Variants in LRMDA observed in about 807,000 individuals in gnomAD.
LRMDA encodes the protein leucine rich melanocyte differentiation associated, also known as leucine-rich melanocyte differentiation-associated protein.
Under a neutral mutation model 29.8 loss-of-function variants are expected in LRMDA, and 18 were observed. The observed-to-expected ratio is 0.60, with a 90% CI of 0.42 to 0.90. The LOEUF is 0.90. Among genes scored for constraint, LRMDA ranks in the 40% least tolerant of loss-of-function variants. The pLI is 0.00. For missense variants in LRMDA, 273 were observed against 273.9 expected (o/e 1.00, Z 0.02); for synonymous variants, 125 against 109.4 (o/e 1.14, Z -0.89).
chr10:75,821,350 T>G (rs553386489), intron 2 of LRMDA, among the ~76,000 whole-genome samples: 1 of 152,336 alleles, frequency 6.6e-6, no homozygotes, highest in South Asian at 2.1e-4. Flanking sequence ...GGATGCAAGA[T>G]TGGTTCAACA....
chr10:75,875,587 C>G (rs891890465), intron 2 of LRMDA, among the ~76,000 whole-genome samples: 9 of 152,182 alleles, frequency 5.9e-5, no homozygotes, highest in African/African-American at 2.2e-4. Flanking sequence ...CATGCGCCAC[C>G]ATGCCCAGCT....
chr10:76,483,563 G>T (rs888553405), intron 6 of LRMDA, among the ~76,000 whole-genome samples: 2 of 151,742 alleles, frequency 1.3e-5, no homozygotes, highest in African/African-American at 4.8e-5. Context: ...ATCCTTAATT[G>T]TTTCCTACCT....
At chr10:76,315,934 G>A (rs1322041908) in intron 5 of LRMDA, among the ~76,000 whole-genome samples, 1 of 152,154 alleles carries the variant, frequency 6.6e-6, no homozygotes, top group Non-Finnish European at 1.5e-5. Flanking sequence ...GCAGAAAGGA[G>A]CTACATACAC....
At chr10:75,709,482 A>G (rs1842411128) in intron 2 of LRMDA, among the ~76,000 whole-genome samples, 1 of 151,120 alleles carries the variant, frequency 6.6e-6, no homozygotes, top group African/African-American at 2.4e-5. Context: ...CTCTGCTTAT[A>G]GGACATGAGT....
In LRMDA at chr10:76,095,319, T is replaced by A. The variant is rs1009654159; in HGVS notation, c.516+36536T>A. Among the ~76,000 whole-genome samples, 76 of 152,234 alleles carry A rather than the reference T, an allele frequency of 5.0e-4. 1 individual carries two copies. Among genetic ancestry groups the A allele is most frequent in the Non-Finnish European group, 4.7e-4 (32 of 68,040 alleles). On this transcript the variant is annotated intron_variant, in intron 5 of 6. Transcript: ENST00000611255. The stretch of plus-strand genomic sequence containing the variant: ...TTGCAATGTATCAGTAGTTCATTCT[T>A]TTTTATTGCCGAGCAGTTTTTCACA...
chr10:75,677,566 A>T (rs1402460773), intron 2 of LRMDA, among the ~76,000 whole-genome samples: 1 of 152,156 alleles, frequency 6.6e-6, no homozygotes, highest in African/African-American at 2.4e-5. Flanking sequence ...GAAAGAGCAG[A>T]TATGGGAACT....
chr10:75,981,867 A>G (rs1007806032), intron 2 of LRMDA, among the ~76,000 whole-genome samples: 4 of 148,890 alleles, frequency 2.7e-5, no homozygotes, highest in Non-Finnish European at 5.9e-5. Context: ...AAAAAAAAAA[A>G]AGTGAGTGAG....
At chr10:76,480,276 A>G (rs1842721798) in intron 6 of LRMDA, among the ~76,000 whole-genome samples, 1 of 151,926 alleles carries the variant, frequency 6.6e-6, no homozygotes, top group Non-Finnish European at 1.5e-5. Context: ...TGTTACTGTT[A>G]TATACTTATA....
intron 5 of LRMDA, among the ~76,000 whole-genome samples, chr10:76,241,217 A>G (rs922531588): frequency 6.6e-6 from 1 of 152,162 alleles, no homozygotes. Flanking sequence ...TAAAGACCTT[A>G]TTCATGTAAC....
intron 2 of LRMDA, among the ~76,000 whole-genome samples, chr10:75,777,997 C>T (rs1322411647): frequency 2.6e-5 from 4 of 152,086 alleles, no homozygotes; most frequent in African/African-American, 9.7e-5. Context: ...GAACAGTAAA[C>T]ACACTATAAT....
At chr10:75,484,030 GC>G (rs971959104) in intron 2 of LRMDA, among the ~76,000 whole-genome samples, 1 of 151,880 alleles carries the variant, frequency 6.6e-6, no homozygotes, top group African/African-American at 2.4e-5. Flanking sequence ...ACCATGGCTC[GC>G]TGCAACCTCT....
At chr10:75,909,988 C>A (rs1294255939) in intron 2 of LRMDA, among the ~76,000 whole-genome samples, 14 of 152,180 alleles carry the variant, frequency 9.2e-5, no homozygotes, top group African/African-American at 3.4e-4. Flanking sequence ...TGCTTCTATG[C>A]ACCACTCAAG....
At chr10:75,758,527 G>A (rs971085591) in intron 2 of LRMDA, among the ~76,000 whole-genome samples, 5 of 152,318 alleles carry the variant, frequency 3.3e-5, no homozygotes, top group Non-Finnish European at 5.9e-5. Context: ...TCCGTCTTGC[G>A]TGGCAGTGAG....
intron 5 of LRMDA, among the ~76,000 whole-genome samples, chr10:76,214,345 TTTTTTTTTTTA>T (rs1255192174): frequency 1.5e-5 from 2 of 131,808 alleles, no homozygotes; most frequent in African/African-American, 3.1e-5. Context: ...TTTTTTTTTT[TTTTTTTTTTTA>T]TGAGACGGAG....
In LRMDA at chr10:76,177,741, T is replaced by C. The variant is rs181017309; in HGVS notation, c.516+118958T>C. Among the ~76,000 whole-genome samples, 13 of 152,374 alleles carry C rather than the reference T, an allele frequency of 8.5e-5. No individual in the cohort carries two copies. The East Asian group carries it at 2.3e-3, about 27-fold the overall frequency. On this transcript the variant is annotated intron_variant, in intron 5 of 6. Coordinates refer to ENST00000611255, the MANE Select transcript of LRMDA (RefSeq NM_001305581.2). ...TCCCAATTTTACAAGTAAGAAGGCC[T>C]ACATCAATGAGGATTGAGGGGAGAG...
intron 6 of LRMDA, among the ~76,000 whole-genome samples, chr10:76,394,175 G>T (rs970771886): frequency 2.0e-5 from 3 of 152,098 alleles, no homozygotes; most frequent in Non-Finnish European, 4.4e-5. Context: ...ATTTAAAAAG[G>T]CATTCTCAGA....
chr10:76,421,799 T>A (rs761187857), intron 6 of LRMDA, among the ~76,000 whole-genome samples: 1 of 152,250 alleles, frequency 6.6e-6, no homozygotes, highest in Non-Finnish European at 1.5e-5. Flanking sequence ...TCTTATTGAT[T>A]GATGGTTTGG....
intron 2 of LRMDA, among the ~76,000 whole-genome samples, chr10:75,864,192 A>T (rs542489863): frequency 1.3e-5 from 2 of 152,342 alleles, no homozygotes; most frequent in Admixed American, 1.3e-4. Context: ...TGTTATTTTG[A>T]ATACTCTAAA....
At chr10:75,814,169 G>T (rs1001244432) in intron 2 of LRMDA, among the ~76,000 whole-genome samples, 9 of 152,182 alleles carry the variant, frequency 5.9e-5, no homozygotes, top group Admixed American at 3.9e-4. Flanking sequence ...CTGCTTTTCT[G>T]TCTGGAAGAC....
Sources: gnomAD v4.1 joint callset for allele counts (sites outside exome capture counted in the v4.1 genomes callset) on GRCh38, gnomAD v4.1.1 for gene constraint, MANE v1.5 for transcripts, NCBI Gene and HGNC (gene_info 2026-07-23, HGNC 2026-07-21) for gene names.